The following PRKAG2 variants were observed in gnomAD, a reference collection of about 807,000 sequenced individuals.
PRKAG2 encodes the protein 5'-AMP-activated protein kinase subunit gamma-2.
A neutral mutation model predicts 69.6 loss-of-function variants in PRKAG2; 26 were observed. That is an observed-to-expected ratio of 0.37 (90% CI 0.27 to 0.52). The LOEUF is 0.52. PRKAG2 is among the 20% of genes least tolerant of loss of function. PRKAG2 has a pLI of 0.90. For synonymous variants in PRKAG2, 293 were observed against 285.0 expected, an observed-to-expected ratio of 1.03 and a Z score of -0.28; for missense variants, 557 against 740.0, an observed-to-expected ratio of 0.75 and a Z score of 2.87.
intron 5 of PRKAG2, among the ~76,000 whole-genome samples, chr7:151,606,676 C>T (rs558129606): frequency 2.6e-5 from 4 of 151,908 alleles, no homozygotes; most frequent in Non-Finnish European, 4.4e-5. Flanking sequence ...AAAAATCAGC[C>T]GGGCGTGGTG....
intron 3 of PRKAG2, among the ~76,000 whole-genome samples, chr7:151,747,384 C>T (rs906330601): frequency 3.3e-5 from 5 of 152,176 alleles, no homozygotes; most frequent in Admixed American, 3.3e-4. Flanking sequence ...TGGTGAAACT[C>T]CGTCTCTACT....
intron 15 of PRKAG2, chr7:151,558,498 C>T (rs1348313147): frequency 3.1e-6 from 3 of 974,440 alleles, no homozygotes; most frequent in South Asian, 4.8e-5. Context: ...GGAGGTGAAG[C>T]GACTTGCTTA....
Position 151,691,062 on chromosome 7 carries a change from A to G in PRKAG2, c.467-15425T>C, listed in dbSNP as rs117556386. On this transcript the variant is annotated intron_variant, in intron 3 of 15. Transcript: ENST00000287878. Reference sequence around the variant, plus strand: ...TGAAACAAGAAACATGACAGAGAGAAAACACAGCTATCCCTCTGTGTCTGC... The same window carrying G: ...TGAAACAAGAAACATGACAGAGAGAGAACACAGCTATCCCTCTGTGTCTGC... 2.6e-5 allele frequency among the ~76,000 whole-genome samples: 4 copies of G among 152,304 alleles called. No homozygotes were observed. The East Asian group carries it at 7.7e-4, about 29-fold the overall frequency.
chr7:151,870,159 AGGCAGGCAGGCAGGCAGGCAGG>A (rs2080186165), intron 1 of PRKAG2, among the ~76,000 whole-genome samples: 1 of 109,560 alleles, frequency 9.1e-6, no homozygotes. Context: ...ATAGATAGGC[AGGCAGGCAGGCAGGCAGGCAGG>A]CAGGCAGGCA....
chr7:151,654,527 A>G (rs1384325038), intron 4 of PRKAG2, among the ~76,000 whole-genome samples: 1 of 152,192 alleles, frequency 6.6e-6, no homozygotes, highest in Non-Finnish European at 1.5e-5. Context: ...TGCAAATACT[A>G]CTGATACCTG....
Position 151,648,973 on chromosome 7 carries a change from C to T in PRKAG2, c.685-16835G>A, listed in dbSNP as rs1164428338. On this transcript the variant is annotated intron_variant, in intron 4 of 15. Transcript: ENST00000287878. ...AAATAGAGTGTACATCTTCGGATGC[C>T]TCTTGACCGAAAGACGTAGTCATTC... Among the ~76,000 whole-genome samples, 7 of 152,092 alleles carry T rather than the reference C, an allele frequency of 4.6e-5. No homozygotes were observed. The East Asian group carries it at 1.2e-3, about 25-fold the overall frequency.
chr7:151,653,844 A>C (rs962310782), intron 4 of PRKAG2, among the ~76,000 whole-genome samples: 1 of 152,188 alleles, frequency 6.6e-6, no homozygotes, highest in African/African-American at 2.4e-5. Context: ...TCCATCTCAA[A>C]ACGAACAAAA....
At chr7:151,737,209 T>C (rs928339042) in intron 3 of PRKAG2, among the ~76,000 whole-genome samples, 9 of 152,024 alleles carry the variant, frequency 5.9e-5, no homozygotes, top group African/African-American at 1.9e-4. Flanking sequence ...CAGGTCATTT[T>C]AGGATTTAGT....
chr7:151,862,753 G>A lies in PRKAG2; in HGVS notation c.114+13754C>T, dbSNP rs371307646. On this transcript the variant is annotated intron_variant, in intron 1 of 15. Transcript: ENST00000287878. ...TGGTGTGGCTCCCGGATCCCCAGGCGCAGGGAGCACTGGTAGGTCCCCAAG... is the reference window on the plus strand; with the variant it reads ...TGGTGTGGCTCCCGGATCCCCAGGCACAGGGAGCACTGGTAGGTCCCCAAG... Among the ~76,000 whole-genome samples, 13 of 152,334 alleles carry A rather than the reference G, an allele frequency of 8.5e-5. No individual in the cohort carries two copies. The East Asian group carries it at 1.5e-3, about 18-fold the overall frequency.
intron 2 of PRKAG2, among the ~76,000 whole-genome samples, chr7:151,785,689 C>T (rs982596936): frequency 3.9e-5 from 6 of 152,226 alleles, no homozygotes; most frequent in African/African-American, 7.2e-5. Flanking sequence ...TGTCACCTGC[C>T]GGAGGGGTCT....
At chr7:151,750,798 T>C (rs1216586191) in intron 3 of PRKAG2, among the ~76,000 whole-genome samples, 1 of 151,928 alleles carries the variant, frequency 6.6e-6, no homozygotes, top group Non-Finnish European at 1.5e-5. Flanking sequence ...GGAGGATCAC[T>C]TGGGCCCAGG....
At chr7:151,773,052 AGG>A (rs532673198) in intron 3 of PRKAG2, among the ~76,000 whole-genome samples, 1,135 of 25,358 alleles carry the variant, frequency 0.045, 13 homozygotes, top group East Asian at 0.087. Context: ...AGAGAGAGAG[AGG>A]GAGGGAGGGA....
chr7:151,698,066 G>A (rs1836997374), intron 3 of PRKAG2, among the ~76,000 whole-genome samples: 1 of 152,186 alleles, frequency 6.6e-6, no homozygotes, highest in Admixed American at 6.5e-5. Flanking sequence ...TCACTTCTGA[G>A]TTCGCCTGCA....
chr7:151,745,589 T>C (rs895734575), intron 3 of PRKAG2, among the ~76,000 whole-genome samples: 1 of 152,120 alleles, frequency 6.6e-6, no homozygotes, highest in African/African-American at 2.4e-5. Flanking sequence ...GGTGATTTTT[T>C]TGGCAGAGAC....
chr7:151,855,218 A>ACCGCCCT (rs2079707616), intron 1 of PRKAG2, among the ~76,000 whole-genome samples: 1 of 114,646 alleles, frequency 8.7e-6, no homozygotes, highest in Non-Finnish European at 1.9e-5. Context: ...CTCCACACAC[A>ACCGCCCT]CCACGCTCCA....
At chr7:151,634,664 C>T (rs1333626435) in intron 4 of PRKAG2, among the ~76,000 whole-genome samples, 1 of 151,960 alleles carries the variant, frequency 6.6e-6, no homozygotes, top group Non-Finnish European at 1.5e-5. Context: ...CAATATTAAA[C>T]AGAAAATGGA....
intron 5 of PRKAG2, among the ~76,000 whole-genome samples, chr7:151,626,983 ATGAATGAGTTTTGAG>A (rs1823107213): frequency 6.6e-6 from 1 of 152,198 alleles, no homozygotes; most frequent in South Asian, 2.1e-4. Flanking sequence ...CCAGTTGAGA[ATGAATGAGTTTTGAG>A]TGAACACACA....
intron 5 of PRKAG2, among the ~76,000 whole-genome samples, chr7:151,608,913 TG>T (rs1818140948): frequency 6.6e-6 from 1 of 151,986 alleles, no homozygotes; most frequent in African/African-American, 2.4e-5. Flanking sequence ...TTGTTCAAGA[TG>T]GGGTCGCACA....
intron 3 of PRKAG2, among the ~76,000 whole-genome samples, chr7:151,750,045 C>T (rs562886631): frequency 1.5e-4 from 21 of 144,248 alleles, no homozygotes; most frequent in African/African-American, 3.7e-4. Flanking sequence ...TGTAGTGAGC[C>T]GAGATGGTGC....
Sources: allele counts gnomAD v4.1 joint callset (sites outside exome capture counted in the v4.1 genomes callset), GRCh38; gene constraint gnomAD v4.1.1; transcripts MANE v1.5; gene names NCBI Gene and HGNC (gene_info 2026-07-23, HGNC 2026-07-21).